The following MEF2C variants were observed in gnomAD, a reference collection of about 807,000 sequenced individuals.
MEF2C encodes myocyte enhancer factor 2C, also known as myocyte-specific enhancer factor 2C.
In MEF2C, 6 loss-of-function variants were observed where a neutral mutation model predicts 50.5. The ratio of observed to expected loss-of-function variants is 0.12; its 90% CI spans 0.07 to 0.23. The LOEUF (loss-of-function observed/expected upper bound fraction) is 0.23, where lower values mean the gene tolerates loss of function less well. Among genes scored for constraint, MEF2C ranks in the 10% least tolerant of loss-of-function variants. The pLI is 1.00. For missense variants in MEF2C, 276 were observed against 605.0 expected (o/e 0.46, Z 5.70); for synonymous variants, 183 against 228.0 (o/e 0.80, Z 1.78).
chr5:88,876,060 G>T, intron 1 of MEF2C, among the ~76,000 whole-genome samples: 1 of 131,568 alleles, frequency 7.6e-6, no homozygotes, highest in African/African-American at 3.0e-5. Flanking sequence ...TGTAGTAACT[G>T]GAGTTTTTTT....
At chr5:88,840,783 A>T (rs1254452321) in intron 1 of MEF2C, among the ~76,000 whole-genome samples, 2 of 152,224 alleles carry the variant, frequency 1.3e-5, no homozygotes, top group Non-Finnish European at 2.9e-5. Flanking sequence ...TATTTAATTC[A>T]CTATTCCTTT....
chr5:88,835,185 A>G (rs1288509075), intron 1 of MEF2C, among the ~76,000 whole-genome samples: 2 of 152,226 alleles, frequency 1.3e-5, no homozygotes, highest in Non-Finnish European at 2.9e-5. Flanking sequence ...AATTTCTGCA[A>G]GTGTAAAATA....
At chr5:88,789,603 G>T (rs1476621249) in intron 3 of MEF2C, among the ~76,000 whole-genome samples, 1 of 152,040 alleles carries the variant, frequency 6.6e-6, no homozygotes, top group Non-Finnish European at 1.5e-5. Flanking sequence ...AAAGATAAGA[G>T]ATTTAATTGA....
intron 1 of MEF2C, chr5:88,826,888 C>T (rs188862823): frequency 6.9e-6 from 1 of 145,710 alleles, no homozygotes; most frequent in East Asian, 2.0e-4. Flanking sequence ...GACAGAGCTA[C>T]ATATAAATAA....
chr5:88,820,181 T>C (rs1463857733), intron 2 of MEF2C, among the ~76,000 whole-genome samples: 2 of 152,004 alleles, frequency 1.3e-5, no homozygotes, highest in African/African-American at 4.8e-5. Context: ...TATTTTTACA[T>C]ACTTGCTTAA....
intron 3 of MEF2C, among the ~76,000 whole-genome samples, chr5:88,787,678 C>T (rs1407952061): frequency 6.6e-6 from 1 of 152,208 alleles, no homozygotes; most frequent in Non-Finnish European, 1.5e-5. Context: ...TTTTCCCCCA[C>T]ATGAAATTAA....
intron 1 of MEF2C, among the ~76,000 whole-genome samples, chr5:88,847,640 T>A (rs1035206608): frequency 5.9e-5 from 9 of 152,108 alleles, no homozygotes; most frequent in African/African-American, 2.2e-4. Context: ...GCGACAATTC[T>A]CTGTGCCAAC....
chr5:88,862,072 T>C (rs924229056), intron 1 of MEF2C, among the ~76,000 whole-genome samples: 1 of 152,174 alleles, frequency 6.6e-6, no homozygotes, highest in African/African-American at 2.4e-5. Context: ...AAGTACCTGG[T>C]TTGTGAAGGT....
intron 1 of MEF2C, among the ~76,000 whole-genome samples, chr5:88,861,375 A>G (rs994716059): frequency 2.0e-5 from 3 of 152,242 alleles, no homozygotes; most frequent in Non-Finnish European, 4.4e-5. Context: ...TCCAATGTGA[A>G]GCCAGATCTG....
In MEF2C at chr5:88,750,901, G is replaced by T. The variant is rs1341723028; in HGVS notation, c.589+956C>A. ...ATAAACTATTTTCATACAGCTATGT[G>T]TATGTAGGATACATTAAAAATTTCC... On this transcript the variant is annotated intron_variant, in intron 5 of 10. Transcript: ENST00000504921. Among the ~76,000 whole-genome samples, 5 of 152,138 alleles carry T rather than the reference G, an allele frequency of 3.3e-5. No individual in the cohort carries two copies. The East Asian group carries it at 9.6e-4, about 29-fold the overall frequency.
rs570989642 is a variant in MEF2C, at chr5:88,819,270, T to G, written c.54+4465A>C. ...TTACACTAGATGCATCATGACATAA[T>G]TTTAAAAAGCATAATTTGTTTCGTG... On this transcript the variant is annotated intron_variant, in intron 2 of 10. Coordinates refer to ENST00000504921, the MANE Select transcript of MEF2C (RefSeq NM_002397.5). 2.3e-5 allele frequency: 20 copies of G among 876,486 alleles called. No individual in the cohort carries two copies. The African/African-American group carries it at 3.6e-4, about 16-fold the overall frequency. The allele number at this position is 876,486 out of a possible 1,614,324, so 54.3% of individuals were successfully genotyped here.
In MEF2C at chr5:88,719,476, A is replaced by C. The variant is rs1355569411; in HGVS notation, c.*3128T>G. The C allele has an allele frequency of 6.6e-6, 1 of 152,228 alleles. No homozygotes were observed. Among genetic ancestry groups the C allele is most frequent in the African/African-American group, 2.4e-5 (1 of 41,462 alleles). The allele number at this position is 152,228 out of a possible 1,614,324, so 9.4% of individuals were successfully genotyped here. ...ATCTTTTAAAATAGGATTAGATATA[A>C]CAATACTCGCAGCCGTGTAAAATGC... On this transcript the variant is annotated 3_prime_UTR_variant, in exon 11 of 11. Coordinates refer to ENST00000504921, the MANE Select transcript of MEF2C (RefSeq NM_002397.5).
At chr5:88,806,726 A>G (rs886281016) in intron 2 of MEF2C, among the ~76,000 whole-genome samples, 5 of 150,648 alleles carry the variant, frequency 3.3e-5, no homozygotes, top group South Asian at 4.1e-4. Context: ...ACAAAAATAT[A>G]CCAAATATAT....
rs555245729 is a variant in MEF2C at position 88,822,577 on chromosome 5, G to A, written c.54+1158C>T. Among the ~76,000 whole-genome samples, 98 of 151,954 alleles carry A rather than the reference G, an allele frequency of 6.4e-4. 1 individual carries two copies. Among genetic ancestry groups the A allele is most frequent in the African/African-American group, 2.2e-3 (92 of 41,484 alleles). On this transcript the variant is annotated intron_variant, in intron 2 of 10. Coordinates refer to ENST00000504921, the MANE Select transcript of MEF2C (RefSeq NM_002397.5). ...AAAAGTTTCTCTACTTTTTAATGGC[G>A]TACTGACTTTGATGCAAGAAATAAT...
intron 1 of MEF2C, among the ~76,000 whole-genome samples, chr5:88,898,897 A>G (rs1835369029): frequency 6.6e-6 from 1 of 152,116 alleles, no homozygotes; most frequent in African/African-American, 2.4e-5. Flanking sequence ...TATGTAGCAG[A>G]CATATTGTAC....
intron 3 of MEF2C, among the ~76,000 whole-genome samples, chr5:88,792,967 T>A (rs1463484335): frequency 6.6e-6 from 1 of 152,190 alleles, no homozygotes; most frequent in Non-Finnish European, 1.5e-5. Flanking sequence ...TATAAATATA[T>A]TCTGAGGAGG....
intron 1 of MEF2C, among the ~76,000 whole-genome samples, chr5:88,851,123 C>T (rs1821160629): frequency 6.6e-6 from 1 of 151,282 alleles, no homozygotes; most frequent in African/African-American, 2.4e-5. Flanking sequence ...GTCCCAGCTA[C>T]TCAGGAAGCT....
intron 1 of MEF2C, among the ~76,000 whole-genome samples, chr5:88,826,858 A>T (rs1354161838): frequency 6.6e-6 from 1 of 151,844 alleles, no homozygotes; most frequent in Non-Finnish European, 1.5e-5. Flanking sequence ...TTCCACAGGA[A>T]AGAAGCATTC....
intron 1 of MEF2C, among the ~76,000 whole-genome samples, chr5:88,876,962 G>A (rs1245715985): frequency 1.3e-5 from 2 of 151,962 alleles, no homozygotes. Flanking sequence ...CTGATTCAAA[G>A]ATCAGTTAGT....
Sources: allele counts gnomAD v4.1 joint callset (sites outside exome capture counted in the v4.1 genomes callset), GRCh38; gene constraint gnomAD v4.1.1; transcripts MANE v1.5; gene names NCBI Gene and HGNC (gene_info 2026-07-23, HGNC 2026-07-21).